The following ZFP69B variants were observed in gnomAD, a reference collection of about 807,000 sequenced individuals.
The protein encoded by ZFP69B is zinc finger protein 69 homolog B.
ZFP69B carries 20 observed loss-of-function variants against 19.7 expected under a neutral mutation model. That is an observed-to-expected ratio of 1.02 (90% CI 0.71 to 1.48). The LOEUF is 1.48. Ranked by LOEUF, ZFP69B falls within the 40% of genes most tolerant of loss-of-function variation. The probability of loss-of-function intolerance (pLI) is 0.00; values close to 1 mark genes in which losing one functional copy is unlikely to be tolerated. For missense variants in ZFP69B, 583 were observed against 632.6 expected (o/e 0.92, Z 0.84); for synonymous variants, 220 against 222.7 (o/e 0.99, Z 0.11).
intron 1 of ZFP69B, among the ~76,000 whole-genome samples, chr1:40,453,838 C>T (rs1645207958): frequency 6.6e-6 from 1 of 151,152 alleles, no homozygotes; most frequent in Non-Finnish European, 1.5e-5. Flanking sequence ...TGCCACTGCC[C>T]TCCAACCTGG....
At chr1:40,460,242 T>A (rs1645269130) in intron 4 of ZFP69B, among the ~76,000 whole-genome samples, 2 of 152,166 alleles carry the variant, frequency 1.3e-5, no homozygotes, top group Non-Finnish European at 2.9e-5. Flanking sequence ...ATGGTGTAAT[T>A]TTATAACAAT....
Position 40,454,302 on chromosome 1 carries a change from TC to T in ZFP69B, c.213+15del, listed in dbSNP as rs778722426. Reference sequence around the variant, plus strand: ...GCAGAATCCCAGGTGGGTTGGAGTTTCTGGTCACTTTCTTGACATTGTTTCT... The same window carrying T: ...GCAGAATCCCAGGTGGGTTGGAGTTTTGGTCACTTTCTTGACATTGTTTCT... On this transcript the variant is annotated intron_variant, in intron 2 of 4. Transcript: ENST00000361584. 4.5e-6 allele frequency: 7 copies of T among 1,546,306 alleles called. No homozygotes were observed. Among genetic ancestry groups the T allele is most frequent in the East Asian group, 4.7e-5 (2 of 42,512 alleles).
At chr1:40,459,152 C>G (rs937226493) in intron 4 of ZFP69B, among the ~76,000 whole-genome samples, 40 of 152,186 alleles carry the variant, frequency 2.6e-4, no homozygotes, top group African/African-American at 9.7e-4. Context: ...GAATAACCAG[C>G]AGACTCTGCC....
intron 2 of ZFP69B, among the ~76,000 whole-genome samples, chr1:40,454,954 G>C (rs1191287391): frequency 1.3e-5 from 2 of 152,160 alleles, no homozygotes; most frequent in Non-Finnish European, 2.9e-5. Context: ...AGACAAATAT[G>C]AGTCATTTTA....
rs1473248458 is a variant in ZFP69B at position 40,457,025 on chromosome 1, G to C, written c.294G>C (p.Leu98=). The change falls in exon 3 of 5, where the codon CTG becomes CTC. Residue 98 remains leucine, a synonymous_variant. Coordinates refer to ENST00000361584, the MANE Select transcript of ZFP69B (RefSeq NM_023070.3). ...AGCTGGCCCCTGCTCACCGGAATCT[G>C]TACCGGGAGGTGATGCTGGAGAACT... ...WGQLAPAHRN[L]YREVMLENYG... The C allele has an allele frequency of 6.2e-7, 1 of 1,612,230 alleles. No homozygotes were observed. The highest frequency in any genetic ancestry group is 1.3e-5 in the African/African-American group (1 of 74,952).
chr1:40,454,501 C>T (rs1645215267), intron 2 of ZFP69B, among the ~76,000 whole-genome samples: 1 of 152,100 alleles, frequency 6.6e-6, no homozygotes, highest in Admixed American at 6.5e-5. Context: ...TGGGTTCACG[C>T]CATTCTCCTG....
intron 4 of ZFP69B, among the ~76,000 whole-genome samples, chr1:40,458,156 A>G (rs971718303): frequency 1.3e-5 from 2 of 152,224 alleles, no homozygotes; most frequent in Non-Finnish European, 2.9e-5. Flanking sequence ...GCAGTTAGCT[A>G]CTACTTGGTG....
intron 4 of ZFP69B, among the ~76,000 whole-genome samples, chr1:40,460,175 G>T (rs372178376): frequency 6.6e-6 from 1 of 152,122 alleles, no homozygotes; most frequent in East Asian, 1.9e-4. Context: ...AATTTCCCTA[G>T]TAAAGCCAAT....
intron 2 of ZFP69B, among the ~76,000 whole-genome samples, chr1:40,455,443 G>C (rs539234011): frequency 3.9e-4 from 59 of 152,232 alleles, no homozygotes; most frequent in Non-Finnish European, 6.9e-4. Context: ...GTTAAATGTG[G>C]ATGCTAACAT....
At chr1:40,456,042 T>C (rs1415402716) in intron 2 of ZFP69B, among the ~76,000 whole-genome samples, 1 of 152,240 alleles carries the variant, frequency 6.6e-6, no homozygotes, top group Admixed American at 6.5e-5. Context: ...GTCTTTGCTA[T>C]TGTGAACAGT....
At position 40,455,602 on chromosome 1, in the gene ZFP69B, G is replaced by T. The variant is rs112750756; in HGVS notation, c.213+1314G>T. Among the ~76,000 whole-genome samples, 377 of 152,114 alleles carry T rather than the reference G, an allele frequency of 2.5e-3. 2 individuals are homozygous for T. Among genetic ancestry groups the T allele is most frequent in the African/African-American group, 8.7e-3 (360 of 41,490 alleles). The stretch of plus-strand genomic sequence containing the variant: ...GGAGGTTTTTGTTTGTTTGTTTTTT[G>T]TTTGTTTGTTTGTTTTTAATTATAC... On this transcript the variant is annotated intron_variant, in intron 2 of 4. Coordinates refer to ENST00000361584, the MANE Select transcript of ZFP69B (RefSeq NM_023070.3).
chr1:40,460,395 G>A (rs1645270403), intron 4 of ZFP69B, among the ~76,000 whole-genome samples: 1 of 152,190 alleles, frequency 6.6e-6, no homozygotes, highest in Admixed American at 6.5e-5. Flanking sequence ...CAACTCAGAA[G>A]GCTGAGGCAG....
rs145690804 is a variant in ZFP69B at position 40,462,488 on chromosome 1, T to C, written c.504T>C (p.His168=). The stretch of plus-strand genomic sequence containing the variant: ...ATGATATTTCGTGGGAAGAACTACA[T>C]TGTGGCCTAATGATGGAAAGATTTA... ...LQNDISWEEL[H]CGLMMERFTK... is the part of the protein sequence containing the mutation. Residue 168 remains histidine, a synonymous_variant, in exon 5 of 5, where the codon CAT becomes CAC. Transcript: ENST00000361584. The C allele has an allele frequency of 6.2e-6, 10 of 1,613,884 alleles. No homozygotes were observed. The highest frequency in any genetic ancestry group is 1.3e-5 in the African/African-American group (1 of 74,914).
chr1:40,462,956 G>T lies in ZFP69B; in HGVS notation c.972G>T (p.Pro324=). Residue 324 remains proline (P), a synonymous_variant, in exon 5 of 5, where the codon CCG becomes CCT. Transcript: ENST00000361584. ...KAFSQSSSLI[P]HQRIHTGEKP... ...TTAGCCAAAGTTCATCTCTTATTCC[G>T]CATCAGAGAATTCATACTGGTGAGA... 6.2e-7 allele frequency: 1 copy of T among 1,613,952 alleles called. No homozygotes were observed.
At chr1:40,454,556 AC>A (rs1182187412) in intron 2 of ZFP69B, among the ~76,000 whole-genome samples, 2 of 151,732 alleles carry the variant, frequency 1.3e-5, no homozygotes, top group Non-Finnish European at 2.9e-5. Flanking sequence ...CCACCACCAC[AC>A]CTGGCTAATT....
upstream of ZFP69B, chr1:40,450,232 C>G (rs1166121488): frequency 6.6e-6 from 1 of 152,252 alleles, no homozygotes; most frequent in Non-Finnish European, 1.5e-5. Context: ...AGCGCGAGTT[C>G]CGCCCGCGGC....
At chr1:40,454,113 G>T (rs1195922910) in intron 1 of ZFP69B, 90 bp from the exon 2 acceptor site, 2 of 973,362 alleles carry the variant, frequency 2.1e-6, no homozygotes, top group East Asian at 5.6e-5. Flanking sequence ...ACGTTTTTGG[G>T]GAGAAGCCAC....
chr1:40,463,615 T>C lies in ZFP69B; in HGVS notation c.*26T>C, dbSNP rs747927411. 1 of 1,531,922 alleles carries C rather than the reference T, an allele frequency of 6.5e-7. No homozygotes were observed. 94.9% of individuals were successfully genotyped at this position (1,531,922 alleles called of 1,614,324 possible). A position where few individuals can be genotyped will look rare whatever the true frequency, so the allele number is the denominator to read the frequency against. On this transcript the variant is annotated 3_prime_UTR_variant, in exon 5 of 5. Coordinates refer to ENST00000361584, the MANE Select transcript of ZFP69B (RefSeq NM_023070.3). ...AATATACTAAACATCAAAGAATCTA[T>C]GTTGGAGCACAAGATTCTAAATCAG...
intron 2 of ZFP69B, 75 bp downstream of exon 2, chr1:40,454,363 GA>G: frequency 9.3e-7 from 1 of 1,079,760 alleles, no homozygotes; most frequent in South Asian, 1.8e-5. Context: ...GATTTTCTTT[GA>G]CTCAACTTCC....
Sources: gnomAD v4.1 joint callset for allele counts (sites outside exome capture counted in the v4.1 genomes callset) on GRCh38, gnomAD v4.1.1 for gene constraint, MANE v1.5 for transcripts, NCBI Gene and HGNC (gene_info 2026-07-23, HGNC 2026-07-21) for gene names.